FAM186B: variants seen among roughly 807,000 people sequenced by gnomAD.
FAM186B encodes protein FAM186B.
FAM186B carries 68 observed loss-of-function variants against 83.4 expected under a neutral mutation model. That is an observed-to-expected ratio of 0.81 (90% CI 0.67 to 1.00). The LOEUF is 1.00. FAM186B is among the 50% of genes least tolerant of loss of function. The probability of loss-of-function intolerance (pLI) is 0.00; values close to 1 mark genes in which losing one functional copy is unlikely to be tolerated. For synonymous variants in FAM186B, 389 were observed against 422.0 expected, an observed-to-expected ratio of 0.92 and a Z score of 0.96; for missense variants, 983 against 1,099.2, an observed-to-expected ratio of 0.89 and a Z score of 1.49.
downstream of FAM186B, chr12:49,584,606 G>A (rs947225052): frequency 3.1e-5 from 22 of 702,178 alleles, no homozygotes; most frequent in Non-Finnish European, 4.4e-5. Flanking sequence ...CCTTTGGTTC[G>A]CTGAGGCGCT....
chr12:49,620,960 CTT>C, the FAM186B span, among the ~76,000 whole-genome samples: 64 of 152,242 alleles, frequency 4.2e-4, no homozygotes, highest in African/African-American at 1.5e-3. Flanking sequence ...GTGAAATTCT[CTT>C]GTCTAACCTG....
intron 5 of FAM186B, among the ~76,000 whole-genome samples, chr12:49,591,030 T>TG (rs1169487123): frequency 6.6e-6 from 1 of 151,884 alleles, no homozygotes; most frequent in Non-Finnish European, 1.5e-5. Context: ...ACAGAATAGA[T>TG]GAAAAAATGA....
chr12:49,600,133 G>C lies in FAM186B; in HGVS notation c.1507C>G (p.Arg503Gly), dbSNP rs770748895. 1 of 1,613,406 alleles carries C rather than the reference G, an allele frequency of 6.2e-7. No individual in the cohort carries two copies. The highest frequency in any genetic ancestry group is 1.1e-5 in the South Asian group (1 of 91,024). The change falls in exon 4 of 7, where the codon CGG (arginine) becomes GGG (glycine). Residue 503 changes from arginine (R) to glycine (G), a missense_variant. Physicochemically the swap from Arg to Gly is moderately radical, Grantham distance 125. Coordinates refer to ENST00000257894, the MANE Select transcript of FAM186B (RefSeq NM_032130.3). The surrounding 1 kb of genome is among the most constrained non-coding windows in gnomAD (Gnocchi z 4.3). ...WLEEEEMWQQ[R>G]QKKWALLEQE... ...TCCAGCAGGGCCCACTTCTTCTGCC[G>C]CTGCTGCCACATCTCCTCCTCCTCC... is the stretch of plus-strand genomic sequence containing the variant.
chr12:49,596,323 C>CAA (rs933362822), intron 5 of FAM186B, among the ~76,000 whole-genome samples: 4,005 of 63,936 alleles, frequency 0.063, 159 homozygotes, highest in African/African-American at 0.1. Flanking sequence ...ACCCCCGTCT[C>CAA]AAAAAAAAAA....
At chr12:49,620,207 T>C in the FAM186B span, among the ~76,000 whole-genome samples, 1 of 152,144 alleles carries the variant, frequency 6.6e-6, no homozygotes. Context: ...CTTAAACTGT[T>C]AGGATAAAAT....
the FAM186B span, among the ~76,000 whole-genome samples, chr12:49,613,466 G>A: frequency 1.8e-4 from 27 of 151,530 alleles, no homozygotes; most frequent in Non-Finnish European, 3.5e-4. Context: ...GGCAGAGCTT[G>A]CAGTGGGCCC....
rs752298682 is a variant in FAM186B, at chr12:49,600,184, G to A, written c.1456C>T (p.Arg486Trp). 1.1e-5 allele frequency: 18 copies of A among 1,613,106 alleles called. No homozygotes were observed. Among genetic ancestry groups the A allele is most frequent in the Admixed American group, 5.0e-5 (3 of 59,940 alleles). ...AGCCACAGCTGCCTCCGCATCTCCC[G>A]GCCGAATTCCTCCTCCCAGGGCTCC... ...QEEPWEEEFG[R>W]EMRRQLWLEE... The change falls in exon 4 of 7, where the codon CGG becomes TGG. Residue 486 changes from arginine (R) to tryptophan (W), a missense_variant. By Grantham distance (101) the Arg-to-Trp change is moderately radical. Coordinates refer to ENST00000257894, the MANE Select transcript of FAM186B (RefSeq NM_032130.3). The surrounding 1 kb of genome is among the most constrained non-coding windows in gnomAD (Gnocchi z 4.3).
intron 2 of FAM186B, 65 bp downstream of exon 2, chr12:49,604,248 G>A (rs147580898): frequency 2.0e-4 from 252 of 1,292,252 alleles, no homozygotes; most frequent in Non-Finnish European, 2.6e-4. Context: ...GTCCTGTGCT[G>A]TCCCTGTGCT....
chr12:49,614,864 T>G, the FAM186B span, among the ~76,000 whole-genome samples: 1 of 151,982 alleles, frequency 6.6e-6, no homozygotes, highest in African/African-American at 2.4e-5. Flanking sequence ...GGCGCAGTGG[T>G]TCACGCCTGT....
chr12:49,601,032 T>C lies in FAM186B; in HGVS notation c.608A>G (p.His203Arg). Residue 203 changes from histidine (H) to arginine (R), a missense_variant, in exon 4 of 7, where the codon CAT becomes CGT. By Grantham distance (29) the His-to-Arg change is conservative. Transcript: ENST00000257894. ...LSPEQMLQDQ[H>R]TMNTKASEVT... Reference sequence around the variant, plus strand: ...CTCCGAGGCCTTCGTGTTCATGGTATGCTGGTCCTGGAGCATCTGTTCTGG... The same window carrying C: ...CTCCGAGGCCTTCGTGTTCATGGTACGCTGGTCCTGGAGCATCTGTTCTGG... 1 of 1,614,180 alleles carries C rather than the reference T, an allele frequency of 6.2e-7. No homozygotes were observed. The highest frequency in any genetic ancestry group is 8.5e-7 in the Non-Finnish European group (1 of 1,180,006).
At chr12:49,589,949 C>G (rs1413773797) in intron 5 of FAM186B, among the ~76,000 whole-genome samples, 1 of 145,128 alleles carries the variant, frequency 6.9e-6, no homozygotes, top group Non-Finnish European at 1.5e-5. Context: ...CCACTGCACT[C>G]CAGCCTGGCA....
At chr12:49,597,052 C>G (rs537705783) in intron 5 of FAM186B, among the ~76,000 whole-genome samples, 1 of 152,296 alleles carries the variant, frequency 6.6e-6, no homozygotes, top group South Asian at 2.1e-4. Flanking sequence ...CCATTGTGTT[C>G]TGACTGCCTA....
In FAM186B at chr12:49,592,908, A is replaced by G. The variant is rs149974349; in HGVS notation, c.2365-4285T>C. The stretch of plus-strand genomic sequence containing the variant: ...TCCACAAGAAGGCAGGAAAAGAGGG[A>G]AAAAAACAAAGAACAGATTAGACAA... On this transcript the variant is annotated intron_variant, in intron 5 of 6. Transcript: ENST00000257894. 3.5e-4 allele frequency among the ~76,000 whole-genome samples: 53 copies of G among 152,312 alleles called. No homozygotes were observed. The East Asian group carries it at 9.4e-3, about 27-fold the overall frequency.
intron 5 of FAM186B, among the ~76,000 whole-genome samples, chr12:49,596,323 CAAAAAAAAAA>C (rs933362822): frequency 1.6e-5 from 1 of 64,310 alleles, no homozygotes; most frequent in Non-Finnish European, 3.3e-5. Flanking sequence ...ACCCCCGTCT[CAAAAAAAAAA>C]AAAAAAAAAA....
At position 49,588,536 on chromosome 12, in the gene FAM186B, G is replaced by A. The variant is rs78249505; in HGVS notation, c.2452C>T (p.Arg818Trp). ...KKCKLPAASP[R>W]HIRPSGPTYK... The stretch of plus-strand genomic sequence containing the variant: ...GTGGGGCCACTGGGGCGGATGTGCC[G>A]GGGTGAGGCTGCAGGCAACTTGCAT... Residue 818 changes from arginine to tryptophan, a missense_variant, in exon 6 of 7, where the codon CGG (arginine) becomes TGG (tryptophan). Transcript: ENST00000257894. 2.0e-3 allele frequency: 3,163 copies of A among 1,613,140 alleles called. 59 individuals are homozygous for A. In the African/African-American group the frequency reaches 0.037, roughly 19 times the overall value.
chr12:49,592,714 A>T (rs925478916), intron 5 of FAM186B, among the ~76,000 whole-genome samples: 6 of 152,206 alleles, frequency 3.9e-5, no homozygotes, highest in African/African-American at 1.4e-4. Flanking sequence ...TGAATCCAGG[A>T]GGCGGAGGTT....
the FAM186B span, among the ~76,000 whole-genome samples, chr12:49,621,447 C>T: frequency 1.9e-4 from 29 of 152,066 alleles, no homozygotes; most frequent in Admixed American, 1.9e-3. Context: ...GCCAGGTTGC[C>T]AGATGTGCAG....
chr12:49,584,259 T>G, downstream of FAM186B: 1 of 492,796 alleles, frequency 2.0e-6, no homozygotes. Flanking sequence ...GAGGTGTGGG[T>G]TTCAGCAATG....
chr12:49,594,097 C>A (rs1939654897), intron 5 of FAM186B: 2 of 233,450 alleles, frequency 8.6e-6, no homozygotes, highest in Admixed American at 4.4e-5. Flanking sequence ...CAATGACACC[C>A]AGGACATTCA....
Sources: allele counts gnomAD v4.1 joint callset (sites outside exome capture counted in the v4.1 genomes callset), GRCh38; gene constraint gnomAD v4.1.1; non-coding constraint Gnocchi (gnomAD v3.1); transcripts MANE v1.5; gene names NCBI Gene and HGNC (gene_info 2026-07-23, HGNC 2026-07-21).